Variants in HPSE2 observed in about 807,000 individuals in gnomAD.
HPSE2 encodes the protein inactive heparanase-2.
A neutral mutation model predicts 60.5 loss-of-function variants in HPSE2; 38 were observed. That is an observed-to-expected ratio of 0.63 (90% CI 0.48 to 0.82). The LOEUF (loss-of-function observed/expected upper bound fraction) is 0.82. Among genes scored for constraint, HPSE2 ranks in the 40% least tolerant of loss-of-function variants. HPSE2 has a pLI of 0.00. For missense variants in HPSE2, 713 were observed against 740.4 expected, an observed-to-expected ratio of 0.96 and a Z score of 0.43; for synonymous variants, 295 against 293.2, an observed-to-expected ratio of 1.01 and a Z score of -0.06.
At chr10:99,252,649 G>A in the HPSE2 span, among the ~76,000 whole-genome samples, 1 of 152,084 alleles carries the variant, frequency 6.6e-6, no homozygotes, top group Admixed American at 6.6e-5. Flanking sequence ...GGCTGAGGTG[G>A]GTAGATCATG....
At chr10:98,726,429 G>A (rs1260537163) in intron 4 of HPSE2, among the ~76,000 whole-genome samples, 2 of 134,966 alleles carry the variant, frequency 1.5e-5, no homozygotes, top group Non-Finnish European at 3.1e-5. Flanking sequence ...GGTGGGAACT[G>A]AACAATGAGA....
At chr10:98,818,000 G>A (rs1205370665) in intron 3 of HPSE2, among the ~76,000 whole-genome samples, 1 of 152,140 alleles carries the variant, frequency 6.6e-6, no homozygotes, top group Non-Finnish European at 1.5e-5. Context: ...TCATACTCCA[G>A]TCCCTCAGTT....
In HPSE2 at chr10:98,484,342, A is replaced by G. The variant is rs1020243050; in HGVS notation, c.1467-1560T>C. On this transcript the variant is annotated intron_variant, in intron 10 of 11. Coordinates refer to ENST00000370552, the MANE Select transcript of HPSE2 (RefSeq NM_021828.5). ...AACCTCCGCCTCCTGCGTTCAGGCA[A>G]TTCTCCTGCCTCAGCCTCCCTGGTA... Among the ~76,000 whole-genome samples, 4 of 152,094 alleles carry G rather than the reference A, an allele frequency of 2.6e-5. No individual in the cohort carries two copies. The East Asian group carries it at 5.8e-4, about 22-fold the overall frequency.
the HPSE2 span, among the ~76,000 whole-genome samples, chr10:99,294,392 T>C: frequency 1.4e-5 from 2 of 146,866 alleles, no homozygotes; most frequent in African/African-American, 4.9e-5. Context: ...ATATATAATA[T>C]ATAATATATA....
chr10:98,830,099 T>TTCAC, intron 3 of HPSE2, among the ~76,000 whole-genome samples: 1 of 152,316 alleles, frequency 6.6e-6, no homozygotes, highest in East Asian at 1.9e-4. Flanking sequence ...CATTCATTCA[T>TTCAC]TCACTCACTC....
At chr10:98,841,552 C>T (rs1039910563) in intron 3 of HPSE2, among the ~76,000 whole-genome samples, 1 of 152,152 alleles carries the variant, frequency 6.6e-6, no homozygotes, top group Admixed American at 6.5e-5. Context: ...AATAGTATTG[C>T]TAAAATTCAT....
intron 9 of HPSE2, among the ~76,000 whole-genome samples, chr10:98,527,527 T>C (rs551281075): frequency 3.3e-4 from 50 of 152,302 alleles, no homozygotes; most frequent in South Asian, 1.0e-3. Context: ...CACGGCACTC[T>C]CATCCCTCAG....
At chr10:98,476,722 A>G (rs1490588318) in intron 11 of HPSE2, among the ~76,000 whole-genome samples, 1 of 151,936 alleles carries the variant, frequency 6.6e-6, no homozygotes, top group Non-Finnish European at 1.5e-5. Context: ...CCTGGGGGGC[A>G]GAGGTTGCAG....
At chr10:98,824,510 G>A (rs747212099) in intron 3 of HPSE2, among the ~76,000 whole-genome samples, 3 of 152,006 alleles carry the variant, frequency 2.0e-5, no homozygotes, top group Non-Finnish European at 2.9e-5. Context: ...ACTATCATAC[G>A]AAGCTATCTA....
At chr10:98,652,023 G>A (rs975442572) in intron 6 of HPSE2, among the ~76,000 whole-genome samples, 2 of 152,000 alleles carry the variant, frequency 1.3e-5, no homozygotes, top group African/African-American at 2.4e-5. Flanking sequence ...CACCTGCCTC[G>A]GCTTCCCAAA....
At chr10:98,854,424 C>T (rs1429447037) in intron 3 of HPSE2, among the ~76,000 whole-genome samples, 1 of 152,132 alleles carries the variant, frequency 6.6e-6, no homozygotes. Context: ...AACAGGTCAG[C>T]ATTTCTTTGC....
At chr10:98,511,442 G>A (rs895310016) in intron 9 of HPSE2, among the ~76,000 whole-genome samples, 3 of 151,934 alleles carry the variant, frequency 2.0e-5, no homozygotes, top group African/African-American at 7.2e-5. Context: ...GAGGCACCGC[G>A]CCCAGCCATG....
intron 2 of HPSE2, among the ~76,000 whole-genome samples, chr10:99,145,177 C>T (rs1399070823): frequency 1.3e-5 from 2 of 152,176 alleles, no homozygotes; most frequent in African/African-American, 4.8e-5. Flanking sequence ...AATGCTTCAG[C>T]CAGGCGTGGT....
intron 9 of HPSE2, among the ~76,000 whole-genome samples, chr10:98,545,349 C>A (rs10883126): frequency 0.34 from 52,160 of 151,648 alleles, 9,396 homozygotes; most frequent in East Asian, 0.48. Flanking sequence ...GAGACACAAC[C>A]AAAAAAGAGA....
intron 5 of HPSE2, among the ~76,000 whole-genome samples, chr10:98,715,397 T>C (rs1948766955): frequency 6.6e-6 from 1 of 152,012 alleles, no homozygotes; most frequent in Non-Finnish European, 1.5e-5. Context: ...AGGATACCAA[T>C]TACAGATTTT....
At chr10:98,824,264 G>A (rs1177738714) in intron 3 of HPSE2, among the ~76,000 whole-genome samples, 1 of 152,120 alleles carries the variant, frequency 6.6e-6, no homozygotes, top group Non-Finnish European at 1.5e-5. Context: ...TAGTGAGCGG[G>A]GGTGGTCATG....
In HPSE2 at chr10:98,558,120, G is replaced by GA. The variant is rs200514443; in HGVS notation, c.1320+56783dup. Among the ~76,000 whole-genome samples the GA allele has an allele frequency of 2.4e-3, 360 of 150,516 alleles. 3 individuals are homozygous for GA. The Middle Eastern group carries it at 0.031, about 13-fold the overall frequency. On this transcript the variant is annotated intron_variant, in intron 9 of 11. Transcript: ENST00000370552. ...ACATGTATCTGAGAATGGCTAAAAT[G>GA]AAAAAAAAATCAAGTGTTGACAAGG...
chr10:98,688,962 T>A (rs1171794278), intron 6 of HPSE2, among the ~76,000 whole-genome samples: 1 of 152,150 alleles, frequency 6.6e-6, no homozygotes, highest in African/African-American at 2.4e-5. Context: ...TGATGTCAAA[T>A]AAGTCATCCT....
chr10:98,820,368 A>C (rs1951397292), intron 3 of HPSE2, among the ~76,000 whole-genome samples: 1 of 152,202 alleles, frequency 6.6e-6, no homozygotes, highest in Non-Finnish European at 1.5e-5. Context: ...TACATGATAT[A>C]AAACCAAGGA....
Sources: gnomAD v4.1 joint callset for allele counts (sites outside exome capture counted in the v4.1 genomes callset) on GRCh38, gnomAD v4.1.1 for gene constraint, MANE v1.5 for transcripts, NCBI Gene and HGNC (gene_info 2026-07-23, HGNC 2026-07-21) for gene names.